RBP4: variants seen among roughly 807,000 people sequenced by gnomAD.
RBP4 encodes retinol-binding protein 4.
Under a neutral mutation model 26.2 loss-of-function variants are expected in RBP4, and 9 were observed. That is an observed-to-expected ratio of 0.34 (90% CI 0.21 to 0.60). The LOEUF is 0.60. Among genes scored for constraint, RBP4 ranks in the 20% least tolerant of loss-of-function variants. The pLI is 0.80. For synonymous variants in RBP4, 114 were observed against 111.0 expected, an observed-to-expected ratio of 1.03 and a Z score of -0.17; for missense variants, 244 against 271.3, an observed-to-expected ratio of 0.90 and a Z score of 0.71.
chr10:93,592,080 A>C lies in RBP4; in HGVS notation c.601T>G (p.Leu201Val), dbSNP rs767751790. ...AAACTAGATTCTTGATATTGCTACAAAAGGTTTCTTTCTGATCTGCCATCG... is the reference window on the plus strand; with the variant it reads ...AAACTAGATTCTTGATATTGCTACACAAGGTTTCTTTCTGATCTGCCATCG... Reference protein sequence around the residue: ...YCDGRSERNLL With the variant: ...YCDGRSERNLV The change falls in exon 6 of 6, where the codon TTG (leucine) becomes GTG (valine). Residue 201 changes from leucine to valine, a missense_variant. By Grantham distance (32) the Leu-to-Val change is conservative. Coordinates refer to ENST00000371464, the MANE Select transcript of RBP4 (RefSeq NM_006744.4). The C allele has an allele frequency of 6.2e-7, 1 of 1,613,962 alleles. No individual in the cohort carries two copies. The highest frequency in any genetic ancestry group is 1.7e-5 in the Admixed American group (1 of 60,022).
intron 4 of RBP4, among the ~76,000 whole-genome samples, chr10:93,597,780 G>A (rs1225805707): frequency 2.0e-5 from 3 of 152,168 alleles, no homozygotes; most frequent in Non-Finnish European, 2.9e-5. Flanking sequence ...AAACACATCC[G>A]TTTGGTGAGA....
intron 4 of RBP4, among the ~76,000 whole-genome samples, chr10:93,597,995 C>G (rs966711348): frequency 6.6e-6 from 1 of 152,188 alleles, no homozygotes; most frequent in Non-Finnish European, 1.5e-5. Flanking sequence ...ATGCCATTTG[C>G]GAGATACTCA....
At chr10:93,594,258 A>G (rs1260587143) in intron 4 of RBP4, among the ~76,000 whole-genome samples, 1 of 152,102 alleles carries the variant, frequency 6.6e-6, no homozygotes, top group Non-Finnish European at 1.5e-5. Context: ...AGTCAGGGAA[A>G]TCTCATTCAC....
intron 4 of RBP4, among the ~76,000 whole-genome samples, chr10:93,594,410 G>C (rs2058289624): frequency 6.6e-6 from 1 of 152,024 alleles, no homozygotes; most frequent in Non-Finnish European, 1.5e-5. Flanking sequence ...AATAATATCT[G>C]TGTCTTTTGT....
At chr10:93,599,085 C>T (rs928326512) in intron 4 of RBP4, among the ~76,000 whole-genome samples, 3 of 151,166 alleles carry the variant, frequency 2.0e-5, no homozygotes, top group African/African-American at 7.3e-5. Context: ...CCTGACTCCA[C>T]AAAAAATACA....
rs2058334099 is a variant in RBP4, at chr10:93,600,971, G to A, written c.58C>T (p.Arg20Cys). ...LAALGSGRAE[R>C]DCRVSSFRVK... ...CGGAAGCTGCTCACTCGGCAGTCGC[G>A]CTCCGCGCGGCCGCTGCCCAGCGCC... Residue 20 changes from arginine (R) to cysteine (C), a missense_variant, in exon 2 of 6, where the codon CGC becomes TGC. Coordinates refer to ENST00000371464, the MANE Select transcript of RBP4 (RefSeq NM_006744.4). The A allele has an allele frequency of 6.2e-7, 1 of 1,612,328 alleles. No individual in the cohort carries two copies. Among genetic ancestry groups the A allele is most frequent in the African/African-American group, 1.3e-5 (1 of 75,042 alleles).
intron 5 of RBP4, 37 bp downstream of exon 5, chr10:93,593,786 G>T: frequency 6.2e-7 from 1 of 1,604,198 alleles, no homozygotes; most frequent in Non-Finnish European, 8.5e-7. Flanking sequence ...CCACTGCCCT[G>T]CAGGAAGAGC....
intron 5 of RBP4, among the ~76,000 whole-genome samples, chr10:93,592,331 G>A (rs1364292077): frequency 6.6e-6 from 1 of 152,222 alleles, no homozygotes; most frequent in Non-Finnish European, 1.5e-5. Flanking sequence ...GGACGTAATG[G>A]GGGTGGAGAG....
intron 3 of RBP4, 49 bp downstream of exon 3, chr10:93,600,618 T>C: frequency 1.2e-6 from 2 of 1,612,516 alleles, no homozygotes; most frequent in Non-Finnish European, 1.7e-6. Context: ...GCAGGGCCCT[T>C]GGGGAACCCT....
rs747468011 is a variant in RBP4, at chr10:93,593,975, C to T, written c.416G>A (p.Arg139His). The change falls in exon 5 of 6, where the codon CGC becomes CAC. Residue 139 changes from arginine (R) to histidine (H), a missense_variant. Transcript: ENST00000371464. ...YDTYAVQYSC[R>H]LLNLDGTCAD... ...ACAGGTGCCATCGAGGTTCAGGAGG[C>T]GGCAGGAGTACTGCACGGCATACGT... 6 of 1,613,936 alleles carry T rather than the reference C, an allele frequency of 3.7e-6. No homozygotes were observed. The highest frequency in any genetic ancestry group is 2.2e-5 in the East Asian group (1 of 44,866).
chr10:93,601,455 C>T, upstream of RBP4: 1 of 1,048,000 alleles, frequency 9.5e-7, no homozygotes, highest in Non-Finnish European at 1.3e-6. Flanking sequence ...TGGCCTCGGC[C>T]AGGCCAAATG....
At chr10:93,600,115 A>G (rs1012830397) in intron 4 of RBP4, among the ~76,000 whole-genome samples, 2 of 152,158 alleles carry the variant, frequency 1.3e-5, no homozygotes, top group Admixed American at 1.3e-4. Context: ...GAAAGCACAC[A>G]CCTTGGCACA....
intron 2 of RBP4, 27 bp downstream of exon 2, chr10:93,600,891 G>GCCTGGGCCC: frequency 6.2e-6 from 10 of 1,610,954 alleles, no homozygotes; most frequent in Non-Finnish European, 8.5e-6. Context: ...GACCTGGGCC[G>GCCTGGGCCC]CCTGGGCCCC....
At chr10:93,601,700 A>G (rs1169454318), upstream of RBP4, 3 of 779,082 alleles carry the variant, frequency 3.9e-6, no homozygotes, top group South Asian at 4.0e-5. Context: ...TTGTGCAGGA[A>G]TTTTGGAATA....
chr10:93,594,059 C>T (rs1479470257), intron 4 of RBP4, 24 bp from the exon 5 acceptor site: 2 of 1,606,946 alleles, frequency 1.2e-6, no homozygotes, highest in African/African-American at 1.3e-5. Context: ...AGCCACCATG[C>T]CGATCAATGC....
intron 1 of RBP4, 37 bp from the exon 2 acceptor site, chr10:93,601,083 G>A: frequency 6.3e-7 from 1 of 1,586,072 alleles, no homozygotes; most frequent in Non-Finnish European, 8.5e-7. Flanking sequence ...CCCGGCAGCC[G>A]ACCCCCGCCG....
chr10:93,601,074 C>G (rs746638115), intron 1 of RBP4, 28 bp from the exon 2 acceptor site: 16 of 1,596,728 alleles, frequency 1.0e-5, no homozygotes, highest in Non-Finnish European at 1.3e-5. Context: ...CCGTCAGTGC[C>G]CGGCAGCCGA....
At position 93,599,950 on chromosome 10, in the gene RBP4, A is replaced by G. The variant is rs147744909; in HGVS notation, c.355+443T>C. 3.7e-3 allele frequency among the ~76,000 whole-genome samples: 561 copies of G among 152,232 alleles called. 2 individuals are homozygous for G. Among genetic ancestry groups the G allele is most frequent in the African/African-American group, 0.012 (498 of 41,546 alleles). ...AGGCACTTGGGAGGCATCCACCCCTATGCACAGTGTTCCCTCCGTCCTTGG... is the reference window on the plus strand; with the variant it reads ...AGGCACTTGGGAGGCATCCACCCCTGTGCACAGTGTTCCCTCCGTCCTTGG... On this transcript the variant is annotated intron_variant, in intron 4 of 5. Coordinates refer to ENST00000371464, the MANE Select transcript of RBP4 (RefSeq NM_006744.4).
intron 4 of RBP4, among the ~76,000 whole-genome samples, chr10:93,599,813 A>G (rs2058324616): frequency 6.6e-6 from 1 of 152,186 alleles, no homozygotes; most frequent in Admixed American, 6.5e-5. Context: ...GTTCTTCTAC[A>G]AGTCCTCAAC....
Sources: allele counts gnomAD v4.1 joint callset (sites outside exome capture counted in the v4.1 genomes callset), GRCh38; gene constraint gnomAD v4.1.1; transcripts MANE v1.5; gene names NCBI Gene and HGNC (gene_info 2026-07-23, HGNC 2026-07-21).